Variants in CADM2 observed in about 807,000 individuals in gnomAD.
CADM2 encodes the protein immunoglobulin superfamily member 4D.
Under a neutral mutation model 49.8 loss-of-function variants are expected in CADM2, and 12 were observed. That is an observed-to-expected ratio of 0.24 (90% CI 0.15 to 0.39). CADM2 has a LOEUF of 0.39. Ranked by LOEUF, CADM2 falls within the 10% of genes least tolerant of loss-of-function variation. The pLI is 1.00. For synonymous variants in CADM2, 214 were observed against 175.4 expected, an observed-to-expected ratio of 1.22 and a Z score of -1.74; for missense variants, 378 against 492.3, an observed-to-expected ratio of 0.77 and a Z score of 2.20.
chr3:85,256,951 C>T (rs2107877480), intron 1 of CADM2, among the ~76,000 whole-genome samples: 1 of 152,080 alleles, frequency 6.6e-6, no homozygotes, highest in African/African-American at 2.4e-5. Context: ...TTTATTTAAC[C>T]AACATTTATA....
At chr3:85,707,831 A>G (rs2066998788) in intron 1 of CADM2, among the ~76,000 whole-genome samples, 1 of 152,210 alleles carries the variant, frequency 6.6e-6, no homozygotes, top group Non-Finnish European at 1.5e-5. Flanking sequence ...AATTAGATTT[A>G]AAATTACAGT....
At chr3:85,195,708 A>G (rs986087001) in intron 1 of CADM2, among the ~76,000 whole-genome samples, 2 of 152,028 alleles carry the variant, frequency 1.3e-5, no homozygotes, top group African/African-American at 4.8e-5. Flanking sequence ...GTATGTGCCT[A>G]AAACTCCAAA....
chr3:85,244,170 A>G (rs2042595781), intron 1 of CADM2, among the ~76,000 whole-genome samples: 1 of 152,148 alleles, frequency 6.6e-6, no homozygotes, highest in Non-Finnish European at 1.5e-5. Context: ...CTGTGAAAAT[A>G]CTGGGTACAT....
chr3:85,063,648 A>G (rs7355824), intron 1 of CADM2, among the ~76,000 whole-genome samples: 68 of 152,194 alleles, frequency 4.5e-4, no homozygotes, highest in African/African-American at 1.6e-3. Context: ...TCCTTAAAAA[A>G]GAAATTAATG....
At chr3:85,511,124 G>A (rs573513480) in intron 1 of CADM2, among the ~76,000 whole-genome samples, 6 of 152,014 alleles carry the variant, frequency 3.9e-5, no homozygotes, top group South Asian at 2.1e-4. Context: ...AAACTACCCC[G>A]GTTTAAAAGC....
Position 86,071,497 on chromosome 3 carries a change from T to G in CADM2, c.*4714T>G, listed in dbSNP as rs1739862819. 6.6e-6 allele frequency: 1 copy of G among 151,928 alleles called. No individual in the cohort carries two copies. The highest frequency in any genetic ancestry group is 6.6e-5 in the Admixed American group (1 of 15,232). 9.4% of individuals were successfully genotyped at this position (151,928 alleles called of 1,614,324 possible). A position where few individuals can be genotyped will look rare whatever the true frequency, so the allele number is the denominator to read the frequency against. ...ATGTATTGAGATTATTAATATTGAATGCAATAGTTATTGGATATAGCTGGT... is the reference window on the plus strand; with the variant it reads ...ATGTATTGAGATTATTAATATTGAAGGCAATAGTTATTGGATATAGCTGGT... On this transcript the variant is annotated 3_prime_UTR_variant, in exon 10 of 10. Transcript: ENST00000383699.
chr3:85,421,437 T>C (rs1460981783), intron 1 of CADM2, among the ~76,000 whole-genome samples: 3 of 152,164 alleles, frequency 2.0e-5, no homozygotes, highest in African/African-American at 7.2e-5. Context: ...GTGTAGAAAT[T>C]AATTCATGCA....
intron 1 of CADM2, among the ~76,000 whole-genome samples, chr3:85,401,079 AAAC>A (rs2035083772): frequency 6.6e-6 from 1 of 152,192 alleles, no homozygotes; most frequent in African/African-American, 2.4e-5. Flanking sequence ...GATGCATTTT[AAAC>A]AACAACAATA....
intron 1 of CADM2, among the ~76,000 whole-genome samples, chr3:85,403,410 A>G (rs1354295588): frequency 6.6e-6 from 1 of 152,126 alleles, no homozygotes; most frequent in Non-Finnish European, 1.5e-5. Context: ...TAATTCCTTC[A>G]TAATTAATAC....
At chr3:86,029,007 G>A (rs1257126419) in intron 8 of CADM2, among the ~76,000 whole-genome samples, 2 of 152,130 alleles carry the variant, frequency 1.3e-5, no homozygotes, top group Non-Finnish European at 2.9e-5. Context: ...TGAATTGTAA[G>A]TGCCATGGTG....
At chr3:85,032,635 T>A (rs2035036077) in intron 1 of CADM2, among the ~76,000 whole-genome samples, 1 of 152,186 alleles carries the variant, frequency 6.6e-6, no homozygotes, top group East Asian at 1.9e-4. Context: ...CTCCCTTTAA[T>A]CATCGGAGAA....
chr3:85,378,934 T>A (rs2033744865), intron 1 of CADM2, among the ~76,000 whole-genome samples: 1 of 151,970 alleles, frequency 6.6e-6, no homozygotes, highest in African/African-American at 2.4e-5. Context: ...ATAAACTCAG[T>A]TATTTTCAAG....
At chr3:85,191,973 T>TGTGTGTGTGTG (rs1451954236) in intron 1 of CADM2, among the ~76,000 whole-genome samples, 2 of 126,570 alleles carry the variant, frequency 1.6e-5, no homozygotes, top group South Asian at 4.8e-4. Context: ...GTGTGTGTAT[T>TGTGTGTGTGTG]TTTTTAACCA....
At chr3:85,673,120 G>T (rs947608045) in intron 1 of CADM2, among the ~76,000 whole-genome samples, 14 of 152,236 alleles carry the variant, frequency 9.2e-5, no homozygotes, top group African/African-American at 3.4e-4. Context: ...TCTGACCTAA[G>T]GACACAGCAC....
chr3:85,344,966 A>C (rs917996743), intron 1 of CADM2, among the ~76,000 whole-genome samples: 2 of 152,158 alleles, frequency 1.3e-5, no homozygotes, highest in African/African-American at 4.8e-5. Context: ...CCATTTTAGC[A>C]ATCTAACACT....
rs533251354 is a variant in CADM2 at position 85,443,962 on chromosome 3, C to G, written c.62-282560C>G. On this transcript the variant is annotated intron_variant, in intron 1 of 9. Transcript: ENST00000383699. ...GAGCCCCCCAAATTGCATCTGTTTT[C>G]CATTCCACTATCTCATTCCTTCCAC... 3.7e-4 allele frequency among the ~76,000 whole-genome samples: 56 copies of G among 152,232 alleles called. No individual in the cohort carries two copies. The South Asian group carries it at 6.6e-3, about 18-fold the overall frequency.
In CADM2 at chr3:86,065,722, G is replaced by T; in HGVS notation, c.1088G>T (p.Arg363Met). Residue 363 changes from arginine (R) to methionine (M), a missense_variant, in exon 9 of 10, where the codon AGG (arginine) becomes ATG (methionine). Coordinates refer to ENST00000383699, the MANE Select transcript of CADM2 (RefSeq NM_001167675.2). ...TTTCTGCTTGGTCGATATCTGGCAA[G>T]GCATAAAGGTACGTTATATTTAGCC... ...SIFLLGRYLA[R>M]HKGTYLTNEA... is the part of the protein sequence containing the mutation. 1 of 1,613,522 alleles carries T rather than the reference G, an allele frequency of 6.2e-7. No homozygotes were observed. The highest frequency in any genetic ancestry group is 8.5e-7 in the Non-Finnish European group (1 of 1,179,784).
intron 1 of CADM2, among the ~76,000 whole-genome samples, chr3:85,170,415 T>C (rs1206620174): frequency 6.6e-6 from 1 of 151,680 alleles, no homozygotes; most frequent in South Asian, 2.1e-4. Flanking sequence ...CTCAGCTCAC[T>C]GCAACTTCCG....
At chr3:85,714,146 C>G (rs2067205241) in intron 1 of CADM2, among the ~76,000 whole-genome samples, 1 of 152,282 alleles carries the variant, frequency 6.6e-6, no homozygotes, top group East Asian at 1.9e-4. Flanking sequence ...TTATTTGAAA[C>G]CACACTGAAG....
Sources: gnomAD v4.1 joint callset for allele counts (sites outside exome capture counted in the v4.1 genomes callset) on GRCh38, gnomAD v4.1.1 for gene constraint, MANE v1.5 for transcripts, NCBI Gene and HGNC (gene_info 2026-07-23, HGNC 2026-07-21) for gene names.